The following RNFT2 variants were observed in gnomAD, a reference collection of about 807,000 sequenced individuals.
RNFT2 encodes ring finger protein, transmembrane 2, also known as E3 ubiquitin-protein ligase RNFT2.
In RNFT2, 36 loss-of-function variants were observed where a neutral mutation model predicts 53.0. That is an observed-to-expected ratio of 0.68 (90% CI 0.52 to 0.90). RNFT2 has a LOEUF of 0.90. Ranked by LOEUF, RNFT2 falls within the 40% of genes least tolerant of loss-of-function variation. The pLI, the probability that RNFT2 is intolerant of heterozygous loss-of-function variation, is 0.00. For missense variants in RNFT2, 514 were observed against 585.6 expected, an observed-to-expected ratio of 0.88 and a Z score of 1.26; for synonymous variants, 260 against 253.2, an observed-to-expected ratio of 1.03 and a Z score of -0.26.
At chr12:116,800,221 G>T (rs1874702270) in intron 7 of RNFT2, among the ~76,000 whole-genome samples, 1 of 152,154 alleles carries the variant, frequency 6.6e-6, no homozygotes, top group Admixed American at 6.5e-5. Context: ...TCTCAGCCGG[G>T]CATGGTGGCT....
At position 116,849,423 on chromosome 12, in the gene RNFT2, C is replaced by T. The variant is rs753546220; in HGVS notation, c.1310C>T (p.Thr437Met). The T allele has an allele frequency of 9.4e-6, 15 of 1,590,836 alleles. No homozygotes were observed. Among genetic ancestry groups the T allele is most frequent in the Non-Finnish European group, 3.4e-6 (4 of 1,172,180 alleles). The change falls in exon 11 of 11, where the codon ACG becomes ATG. Residue 437 changes from threonine (T) to methionine (M), a missense_variant. By Grantham distance (81) the Thr-to-Met change is moderately conservative. Coordinates refer to ENST00000257575, the MANE Select transcript of RNFT2 (RefSeq NM_001382266.1). ...DTLRCWKDGA[T>M]SAHFQVY ...CTGCGCTGCTGGAAGGACGGCGCCA[C>T]GTCCGCACACTTCCAGGTGTACTAG...
intron 7 of RNFT2, among the ~76,000 whole-genome samples, chr12:116,799,448 A>G (rs1248288865): frequency 2.6e-5 from 4 of 152,164 alleles, no homozygotes; most frequent in Non-Finnish European, 4.4e-5. Flanking sequence ...TAGATGTGAT[A>G]TTTCATTACC....
chr12:116,829,252 T>G lies in RNFT2; in HGVS notation c.883-4540T>G, dbSNP rs544651379. 2.6e-5 allele frequency among the ~76,000 whole-genome samples: 4 copies of G among 152,250 alleles called. No homozygotes were observed. In the East Asian group the frequency reaches 7.7e-4, roughly 29 times the overall value. Reference sequence around the variant, plus strand: ...TGGTTAGCCCTGGCCATACACTAAGTTGCTGTCCATTGGTCCAGCATCCAT... The same window carrying G: ...TGGTTAGCCCTGGCCATACACTAAGGTGCTGTCCATTGGTCCAGCATCCAT... On this transcript the variant is annotated intron_variant, in intron 7 of 10. Coordinates refer to ENST00000257575, the MANE Select transcript of RNFT2 (RefSeq NM_001382266.1).
intron 3 of RNFT2, chr12:116,748,605 G>A: frequency 1.9e-5 from 8 of 430,362 alleles, no homozygotes; most frequent in South Asian, 1.1e-4. Context: ...GAGTTTGAAT[G>A]TGGGCCTCCC....
intron 6 of RNFT2, among the ~76,000 whole-genome samples, chr12:116,769,386 CAGA>C (rs1171807199): frequency 6.6e-6 from 1 of 152,136 alleles, no homozygotes; most frequent in Non-Finnish European, 1.5e-5. Flanking sequence ...CAGTGCCTTT[CAGA>C]AGAAGACATT....
intron 10 of RNFT2, among the ~76,000 whole-genome samples, chr12:116,842,568 A>ATTTGTTTG (rs138521237): frequency 6.6e-6 from 1 of 150,926 alleles, no homozygotes; most frequent in Non-Finnish European, 1.5e-5. Flanking sequence ...TTATTTATTT[A>ATTTGTTTG]TTTGTTTGTT....
In RNFT2 at chr12:116,849,509, G is replaced by C; in HGVS notation, c.*61G>C. On this transcript the variant is annotated 3_prime_UTR_variant, in exon 11 of 11. Coordinates refer to ENST00000257575, the MANE Select transcript of RNFT2 (RefSeq NM_001382266.1). Reference sequence around the variant, plus strand: ...GGTCAGCATGCCCGGACCCAGCCCTGCGGGGGCTTCCTGAGAAACAGGCCT... The same window carrying C: ...GGTCAGCATGCCCGGACCCAGCCCTCCGGGGGCTTCCTGAGAAACAGGCCT... 6.6e-7 allele frequency: 1 copy of C among 1,509,530 alleles called. No individual in the cohort carries two copies. The highest frequency in any genetic ancestry group is 8.9e-7 in the Non-Finnish European group (1 of 1,126,412). 93.5% of individuals were successfully genotyped at this position (1,509,530 alleles called of 1,614,324 possible).
At position 116,750,064 on chromosome 12, in the gene RNFT2, G is replaced by GA. The variant is rs1566068862; in HGVS notation, c.308dup (p.Ala106ArgfsTer77). ...CAGGGAGGAAGGAGGGGGCCGGGGC[G>GA]AGGGGGGCGCCTACCACCACCGCCA... On this transcript the variant is annotated frameshift_variant, in exon 4 of 11. Coordinates refer to ENST00000257575, the MANE Select transcript of RNFT2 (RefSeq NM_001382266.1). LOFTEE classifies it high-confidence loss of function. 6.5e-7 allele frequency: 1 copy of GA among 1,546,622 alleles called. No individual in the cohort carries two copies. The highest frequency in any genetic ancestry group is 1.2e-5 in the South Asian group (1 of 84,240).
chr12:116,832,144 AAAAAAT>A (rs1420812043), intron 7 of RNFT2, among the ~76,000 whole-genome samples: 91 of 52,276 alleles, frequency 1.7e-3, no homozygotes, highest in African/African-American at 5.0e-3. Flanking sequence ...AAAAAAAAAA[AAAAAAT>A]ATATATATAT....
Position 116,836,011 on chromosome 12 carries a change from C to G in RNFT2, c.1084C>G (p.Leu362Val). 1 of 1,614,042 alleles carries G rather than the reference C, an allele frequency of 6.2e-7. No homozygotes were observed. Among genetic ancestry groups the G allele is most frequent in the Non-Finnish European group, 8.5e-7 (1 of 1,179,904 alleles). ...VGGVRKALKL[L>V]CTSQNYGVRA... is the part of the protein sequence containing the mutation. ...CGGAGTTAGGAAAGCCCTGAAGCTTCTCTGTACCTCTCAGGTGAGTTGGCT... is the reference window on the plus strand; with the variant it reads ...CGGAGTTAGGAAAGCCCTGAAGCTTGTCTGTACCTCTCAGGTGAGTTGGCT... The change falls in exon 9 of 11, where the codon CTC (leucine) becomes GTC (valine). Residue 362 changes from leucine to valine, a missense_variant. Physicochemically the swap from Leu to Val is conservative, Grantham distance 32 (BLOSUM62 1). This residue lies in a region of RNFT2 where 273 missense variants were observed against 334.4 expected (regional missense o/e 0.82). Coordinates refer to ENST00000257575, the MANE Select transcript of RNFT2 (RefSeq NM_001382266.1).
chr12:116,766,772 A>G (rs1374057653), intron 5 of RNFT2, 42 bp from the exon 6 acceptor site: 1 of 1,450,198 alleles, frequency 6.9e-7, no homozygotes, highest in Non-Finnish European at 9.5e-7. Flanking sequence ...AGGTTCTGCC[A>G]CATGCACCTT....
intron 7 of RNFT2, among the ~76,000 whole-genome samples, chr12:116,797,712 G>A (rs1169070303): frequency 6.6e-6 from 1 of 151,446 alleles, no homozygotes; most frequent in Non-Finnish European, 1.5e-5. Context: ...TTACAGCTCA[G>A]GCAGTGTTAC....
chr12:116,851,705 C>T lies in RNFT2; in HGVS notation c.*2257C>T. 2 of 675,582 alleles carry T rather than the reference C, an allele frequency of 3.0e-6. No homozygotes were observed. The highest frequency in any genetic ancestry group is 5.3e-6 in the Non-Finnish European group (2 of 376,974). The allele number at this position is 675,582 out of a possible 1,614,324, so 41.8% of individuals were successfully genotyped here. ...GCAGTGAGCCGAGATTGCACCACAG[C>T]ACTCCAACCTGGGTGACAGAGTGAG... is the stretch of plus-strand genomic sequence containing the variant. On this transcript the variant is annotated 3_prime_UTR_variant, in exon 11 of 11. Transcript: ENST00000257575.
intron 10 of RNFT2, among the ~76,000 whole-genome samples, chr12:116,837,225 T>A (rs1229147583): frequency 6.6e-6 from 1 of 152,118 alleles, no homozygotes; most frequent in Admixed American, 6.5e-5. Context: ...GGTCAAAGCA[T>A]CCTATCTGAC....
In RNFT2 at chr12:116,800,521, T is replaced by C. The variant is rs184549534; in HGVS notation, c.882+21173T>C. 1.3e-3 allele frequency among the ~76,000 whole-genome samples: 193 copies of C among 152,156 alleles called. 1 individual carries two copies. The highest frequency in any genetic ancestry group is 2.4e-3 in the Non-Finnish European group (164 of 68,006). ...GGTGGTGGTTGCCTGTAATCCCAGC[T>C]ACTCGGGTGGCTGAGGCAGGAGAAT... On this transcript the variant is annotated intron_variant, in intron 7 of 10. Coordinates refer to ENST00000257575, the MANE Select transcript of RNFT2 (RefSeq NM_001382266.1).
intron 2 of RNFT2, 183 bp downstream of exon 2, chr12:116,740,704 C>T (rs1403333279): frequency 1.5e-6 from 1 of 662,700 alleles, no homozygotes; most frequent in African/African-American, 1.8e-5. Flanking sequence ...ACCCAGAATC[C>T]ATGTCTCCTG....
intron 7 of RNFT2, among the ~76,000 whole-genome samples, chr12:116,796,863 C>A (rs1276396696): frequency 6.6e-6 from 1 of 152,206 alleles, no homozygotes; most frequent in East Asian, 1.9e-4. Context: ...GAAGAGCCAG[C>A]CACACTGGTT....
chr12:116,746,574 T>G (rs966937051), intron 3 of RNFT2, among the ~76,000 whole-genome samples: 2 of 152,026 alleles, frequency 1.3e-5, no homozygotes, highest in African/African-American at 2.4e-5. Context: ...CATTACCTAG[T>G]TGGGATGGGG....
chr12:116,818,431 G>A (rs1025884036), intron 7 of RNFT2, among the ~76,000 whole-genome samples: 32 of 152,040 alleles, frequency 2.1e-4, no homozygotes, highest in Admixed American at 2.0e-3. Flanking sequence ...CAGCACTGCC[G>A]TTCAGTAAAT....
Sources: gnomAD v4.1 joint callset for allele counts (sites outside exome capture counted in the v4.1 genomes callset) on GRCh38, gnomAD v4.1.1 for gene constraint, gnomAD v4.1.1 regional missense constraint, MANE v1.5 for transcripts, NCBI Gene and HGNC (gene_info 2026-07-23, HGNC 2026-07-21) for gene names.